Variants in SORL1 observed in about 807,000 individuals in gnomAD.
The protein encoded by SORL1 is sortilin-related receptor.
In SORL1, 127 loss-of-function variants were observed where a neutral mutation model predicts 273.7. The ratio of observed to expected loss-of-function variants is 0.46; its 90% CI spans 0.40 to 0.54. The LOEUF (loss-of-function observed/expected upper bound fraction) is 0.54, where lower values mean the gene tolerates loss of function less well. SORL1 is among the 20% of genes least tolerant of loss of function. SORL1 has a pLI of 0.00. For missense variants in SORL1, 2,494 were observed against 2,846.1 expected, an observed-to-expected ratio of 0.88 and a Z score of 2.81; for synonymous variants, 1,031 against 1,067.4, an observed-to-expected ratio of 0.97 and a Z score of 0.66.
In SORL1 at chr11:121,574,272, T is replaced by A. The variant is rs1416109745; in HGVS notation, c.3369T>A (p.Phe1123Leu). Residue 1123 changes from phenylalanine to leucine, a missense_variant, in exon 24 of 48, where the codon TTT (phenylalanine) becomes TTA (leucine). Phe to Leu is a conservative substitution (Grantham distance 22). Coordinates refer to ENST00000260197, the MANE Select transcript of SORL1 (RefSeq NM_003105.6). ...PTTICDLDTQ[F>L]RCQESGTCIP... is the part of the protein sequence containing the mutation. ...CCATCTGTGACCTGGACACCCAGTT[T>A]CGTTGCCAGGAGTCTGGGACTTGTA... 32 of 1,613,806 alleles carry A rather than the reference T, an allele frequency of 2.0e-5. No individual in the cohort carries two copies. Among genetic ancestry groups the A allele is most frequent in the Non-Finnish European group, 2.7e-5 (32 of 1,179,776 alleles).
chr11:121,583,018 A>T (rs906905645), intron 25 of SORL1, among the ~76,000 whole-genome samples: 2 of 152,110 alleles, frequency 1.3e-5, no homozygotes, highest in African/African-American at 4.8e-5. Flanking sequence ...CAGCATCTGG[A>T]TGAGTAAGAG....
Position 121,627,673 on chromosome 11 carries a change from G to T in SORL1, c.6483G>T (p.Lys2161Asn). 6.2e-7 allele frequency: 1 copy of T among 1,614,148 alleles called. No individual in the cohort carries two copies. Among genetic ancestry groups the T allele is most frequent in the Admixed American group, 1.7e-5 (1 of 60,026 alleles). The stretch of plus-strand genomic sequence containing the variant: ...TGGGGTTTGCCATCCTGTACACGAA[G>T]CACCGGAGGCTGCAGAGCAGCTTCA... ...LGVGFAILYT[K>N]HRRLQSSFTA... Residue 2161 changes from lysine (K) to asparagine (N), a missense_variant, in exon 47 of 48, where the codon AAG becomes AAT. By Grantham distance (94) the Lys-to-Asn change is moderately conservative. Transcript: ENST00000260197. The surrounding 1 kb of genome is among the most constrained non-coding windows in gnomAD (Gnocchi z 4.9).
intron 46 of SORL1, among the ~76,000 whole-genome samples, chr11:121,625,816 C>T (rs949485626): frequency 2.6e-5 from 4 of 152,248 alleles, no homozygotes; most frequent in Admixed American, 1.3e-4. Flanking sequence ...AGGACCCTTC[C>T]GTTCATACAG....
At chr11:121,540,781 A>C (rs775879813) in intron 12 of SORL1, among the ~76,000 whole-genome samples, 3 of 152,190 alleles carry the variant, frequency 2.0e-5, no homozygotes, top group African/African-American at 7.2e-5. Flanking sequence ...AGTTATTGTC[A>C]GAGTCCTCTG....
chr11:121,493,925 G>A (rs963647451), intron 5 of SORL1, among the ~76,000 whole-genome samples: 8 of 152,184 alleles, frequency 5.3e-5, no homozygotes, highest in African/African-American at 1.7e-4. Flanking sequence ...TCCACAGAGG[G>A]TAGCTGTTTC....
intron 5 of SORL1, among the ~76,000 whole-genome samples, chr11:121,495,042 A>T (rs1319262313): frequency 6.6e-6 from 1 of 152,166 alleles, no homozygotes; most frequent in Non-Finnish European, 1.5e-5. Flanking sequence ...TCCAGATTGT[A>T]GGGCAAAACT....
chr11:121,476,790 T>TCCTC (rs1431889988), intron 2 of SORL1, among the ~76,000 whole-genome samples: 1 of 122,608 alleles, frequency 8.2e-6, no homozygotes, highest in Non-Finnish European at 1.7e-5. Context: ...CTCCCTTCCT[T>TCCTC]CCTCCCTTCC....
In SORL1 at chr11:121,570,299, CTTACCA is replaced by C. The variant is rs768464560; in HGVS notation, c.3337+34_3337+39del. The C allele has an allele frequency of 3.3e-6, 5 of 1,535,106 alleles. No individual in the cohort carries two copies. The East Asian group carries it at 1.1e-4, about 35-fold the overall frequency. On this transcript the variant is annotated intron_variant, in intron 23 of 47. Coordinates refer to ENST00000260197, the MANE Select transcript of SORL1 (RefSeq NM_003105.6). ...AGTCTTCTGGATTGGACGTTAAGCA[CTTACCA>C]TTACTCAGAAGCCTGGTTGGCTCTT...
intron 1 of SORL1, among the ~76,000 whole-genome samples, chr11:121,457,902 G>A (rs1860932921): frequency 6.6e-6 from 1 of 152,244 alleles, no homozygotes; most frequent in Non-Finnish European, 1.5e-5. Flanking sequence ...GGATCCACGA[G>A]GCAGATCCTT....
In SORL1 at chr11:121,553,940, A is replaced by G; in HGVS notation, c.2270A>G (p.Glu757Gly). The change falls in exon 17 of 48, where the codon GAG becomes GGG. Residue 757 changes from glutamate (E) to glycine (G), a missense_variant. Coordinates refer to ENST00000260197, the MANE Select transcript of SORL1 (RefSeq NM_003105.6). ...GELVPCPLAEENEFILYAVRK... is the reference protein window; with the variant it reads ...GELVPCPLAEGNEFILYAVRK... ...ACGTGTCTTGTGTGTCTGGCAGAAGAGAACGAGTTCATTCTGTATGCTGTG... is the reference window on the plus strand; with the variant it reads ...ACGTGTCTTGTGTGTCTGGCAGAAGGGAACGAGTTCATTCTGTATGCTGTG... 6.2e-7 allele frequency: 1 copy of G among 1,612,504 alleles called. No homozygotes were observed. Among genetic ancestry groups the G allele is most frequent in the East Asian group, 2.2e-5 (1 of 44,864 alleles).
intron 45 of SORL1, among the ~76,000 whole-genome samples, 183 bp from the exon 46 acceptor site, chr11:121,624,901 GA>G: frequency 6.6e-6 from 1 of 152,210 alleles, no homozygotes; most frequent in Admixed American, 6.5e-5. Context: ...TTGGAGATGA[GA>G]AAAATTTTCA....
At chr11:121,576,658 CA>C (rs889201227) in intron 24 of SORL1, 103 of 933,726 alleles carry the variant, frequency 1.1e-4, no homozygotes, top group Middle Eastern at 3.5e-4. Flanking sequence ...ATTGCCAGGG[CA>C]GCCTCCTTCC....
intron 26 of SORL1, among the ~76,000 whole-genome samples, chr11:121,584,157 G>C (rs1349301997): frequency 2.6e-5 from 4 of 152,168 alleles, no homozygotes; most frequent in African/African-American, 9.7e-5. Flanking sequence ...TTTTCTGAGA[G>C]GCGTTCTTCA....
In SORL1 at chr11:121,478,385, C is replaced by T. The variant is rs1046737347; in HGVS notation, c.528+142C>T. On this transcript the variant is annotated intron_variant, in intron 3 of 47. Transcript: ENST00000260197. Reference sequence around the variant, plus strand: ...GTGGCTAGTGAGTTTTTGTGCTAACCTGGGCATTTGTGACAGACTGCTGTT... The same window carrying T: ...GTGGCTAGTGAGTTTTTGTGCTAACTTGGGCATTTGTGACAGACTGCTGTT... 5 of 998,676 alleles carry T rather than the reference C, an allele frequency of 5.0e-6. No individual in the cohort carries two copies. In the African/African-American group the frequency reaches 8.1e-5, roughly 16 times the overall value. The allele number at this position is 998,676 out of a possible 1,614,324, so 61.9% of individuals were successfully genotyped here.
At chr11:121,623,408 A>G (rs1863751185) in intron 45 of SORL1, among the ~76,000 whole-genome samples, 1 of 152,256 alleles carries the variant, frequency 6.6e-6, no homozygotes, top group African/African-American at 2.4e-5. Flanking sequence ...CCATTGATCC[A>G]GCAGTTGTAG....
intron 6 of SORL1, 120 bp from the exon 7 acceptor site, chr11:121,512,883 G>A: frequency 1.4e-6 from 1 of 697,378 alleles, no homozygotes; most frequent in Non-Finnish European, 2.5e-6. Context: ...TGCAATCACA[G>A]TCTCTATTTT....
At chr11:121,624,506 G>A (rs981421819) in intron 45 of SORL1, among the ~76,000 whole-genome samples, 3 of 152,192 alleles carry the variant, frequency 2.0e-5, no homozygotes, top group Admixed American at 6.5e-5. Flanking sequence ...GCCTGAGCTG[G>A]CTTCAGTGCT....
intron 23 of SORL1, 97 bp downstream of exon 23, chr11:121,570,367 C>G (rs1862822837): frequency 3.9e-6 from 3 of 773,830 alleles, no homozygotes; most frequent in African/African-American, 1.7e-5. Context: ...GCGAGGGCCA[C>G]CCATGATTGG....
intron 1 of SORL1, among the ~76,000 whole-genome samples, chr11:121,457,729 G>T (rs1860930422): frequency 6.6e-6 from 1 of 152,216 alleles, no homozygotes; most frequent in Non-Finnish European, 1.5e-5. Flanking sequence ...TTGGAGAGAT[G>T]CTGGAGCACA....
Sources: gnomAD v4.1 joint callset for allele counts (sites outside exome capture counted in the v4.1 genomes callset) on GRCh38, gnomAD v4.1.1 for gene constraint, Gnocchi (gnomAD v3.1) non-coding constraint, MANE v1.5 for transcripts, NCBI Gene and HGNC (gene_info 2026-07-23, HGNC 2026-07-21) for gene names.